The following DOCK5 variants were observed in gnomAD, a reference collection of about 807,000 sequenced individuals.
DOCK5 encodes the protein dedicator of cytokinesis 5, also known as dedicator of cytokinesis protein 5.
DOCK5 carries 142 observed loss-of-function variants against 251.8 expected under a neutral mutation model. That is an observed-to-expected ratio of 0.56 (90% CI 0.49 to 0.65). The LOEUF is 0.65. DOCK5 is among the 30% of genes least tolerant of loss of function. DOCK5 has a pLI of 0.00. For synonymous variants in DOCK5, 842 were observed against 835.5 expected (o/e 1.01, Z -0.13); for missense variants, 2,111 against 2,312.3 (o/e 0.91, Z 1.79).
intron 1 of DOCK5, among the ~76,000 whole-genome samples, chr8:25,192,313 A>G (rs1050334764): frequency 1.3e-5 from 2 of 152,102 alleles, no homozygotes; most frequent in Non-Finnish European, 2.9e-5. Context: ...GTCAAATGGT[A>G]TTTCTAGTTC....
Position 25,278,606 on chromosome 8 carries a change from G to C in DOCK5, c.262G>C (p.Val88Leu), listed in dbSNP as rs990302436. The change falls in exon 5 of 52, where the codon GTG becomes CTG. Residue 88 changes from valine to leucine, a missense_variant. By Grantham distance (32) the Val-to-Leu change is conservative. Around this residue, in one of 3 missense-constraint regions of DOCK5, gnomAD observed 335 missense variants for 324.9 expected, o/e 1.03. Transcript: ENST00000276440. ...CGTGATTCCTGGCGAGCTCCCCCTG[G>C]TGCAGGAGCTCACGTCCACTCTGCG... ...ETVIPGELPL[V>L]QELTSTLREW... 1.2e-6 allele frequency: 2 copies of C among 1,613,932 alleles called. No individual in the cohort carries two copies. Among genetic ancestry groups the C allele is most frequent in the Non-Finnish European group, 1.7e-6 (2 of 1,179,874 alleles).
intron 1 of DOCK5, among the ~76,000 whole-genome samples, chr8:25,240,301 C>T (rs551706118): frequency 2.0e-5 from 3 of 151,784 alleles, no homozygotes; most frequent in African/African-American, 4.8e-5. Context: ...AACCAGCTTC[C>T]GTCAAGTGTA....
At chr8:25,299,709 T>A (rs771941619) in intron 8 of DOCK5, among the ~76,000 whole-genome samples, 1 of 152,180 alleles carries the variant, frequency 6.6e-6, no homozygotes, top group Non-Finnish European at 1.5e-5. Flanking sequence ...GAAAATAATG[T>A]CTATTAAAAA....
At chr8:25,264,616 A>G (rs1446015325) in intron 2 of DOCK5, among the ~76,000 whole-genome samples, 2 of 151,830 alleles carry the variant, frequency 1.3e-5, no homozygotes, top group East Asian at 3.9e-4. Flanking sequence ...AATTGAGGTC[A>G]GGAGTTCAAG....
chr8:25,400,993 T>C lies in DOCK5; in HGVS notation c.4853T>C (p.Leu1618Pro). ...AAACTCACAGAGCAGCTGAAGCCGCTGCATGAGCGGTTGTCTTCTTGCTTC... is the reference window on the plus strand; with the variant it reads ...AAACTCACAGAGCAGCTGAAGCCGCCGCATGAGCGGTTGTCTTCTTGCTTC... ...GEKLTEQLKP[L>P]HERLSSCFRE... Residue 1618 changes from leucine (L) to proline (P), a missense_variant, in exon 47 of 52, where the codon CTG becomes CCG. By Grantham distance (98) the Leu-to-Pro change is moderately conservative. Around this residue, in one of 3 missense-constraint regions of DOCK5, gnomAD observed 1,717 missense variants for 1,892.4 expected, o/e 0.91. Coordinates refer to ENST00000276440, the MANE Select transcript of DOCK5 (RefSeq NM_024940.8). The C allele has an allele frequency of 1.9e-6, 3 of 1,614,048 alleles. No individual in the cohort carries two copies. The highest frequency in any genetic ancestry group is 2.5e-6 in the Non-Finnish European group (3 of 1,179,894).
intron 3 of DOCK5, among the ~76,000 whole-genome samples, chr8:25,273,223 A>G (rs893074079): frequency 1.3e-5 from 2 of 152,072 alleles, no homozygotes; most frequent in African/African-American, 4.8e-5. Flanking sequence ...CTCCTTTCTC[A>G]TTGCTATATT....
intron 1 of DOCK5, among the ~76,000 whole-genome samples, chr8:25,202,043 G>A (rs764745633): frequency 5.3e-5 from 8 of 152,078 alleles, no homozygotes; most frequent in Non-Finnish European, 1.2e-4. Flanking sequence ...TTGAGACAGA[G>A]TCTCGCTCTG....
intron 1 of DOCK5, among the ~76,000 whole-genome samples, chr8:25,198,756 C>T (rs1396779562): frequency 1.3e-5 from 2 of 152,130 alleles, no homozygotes; most frequent in Admixed American, 6.6e-5. Context: ...ACCTAAAAGT[C>T]ACACAGCTAG....
intron 45 of DOCK5, among the ~76,000 whole-genome samples, chr8:25,397,785 A>G (rs1375307792): frequency 9.6e-6 from 1 of 103,988 alleles, no homozygotes; most frequent in African/African-American, 2.6e-5. Flanking sequence ...AAGTTTTTCC[A>G]GCGTGACAGT....
intron 1 of DOCK5, among the ~76,000 whole-genome samples, chr8:25,196,946 C>G (rs552148767): frequency 6.6e-6 from 1 of 152,260 alleles, no homozygotes; most frequent in East Asian, 1.9e-4. Flanking sequence ...TGCCTGTAAT[C>G]CCAGCACTTT....
At chr8:25,392,441 A>G (rs1017080572) in intron 43 of DOCK5, among the ~76,000 whole-genome samples, 3 of 152,166 alleles carry the variant, frequency 2.0e-5, no homozygotes, top group Non-Finnish European at 2.9e-5. Flanking sequence ...GCAAGTACTA[A>G]TTACCTAGAC....
intron 40 of DOCK5, among the ~76,000 whole-genome samples, chr8:25,384,784 A>G (rs1238977779): frequency 6.6e-6 from 1 of 151,832 alleles, no homozygotes; most frequent in Non-Finnish European, 1.5e-5. Flanking sequence ...AAAAAGAATC[A>G]GGGCCTGGCA....
intron 30 of DOCK5, among the ~76,000 whole-genome samples, chr8:25,365,705 C>T (rs183698653): frequency 2.0e-5 from 3 of 152,308 alleles, no homozygotes; most frequent in Admixed American, 2.0e-4. Flanking sequence ...TCATCTGCCA[C>T]AGAGTGCAAA....
chr8:25,315,455 C>A (rs1264452175), intron 13 of DOCK5, among the ~76,000 whole-genome samples: 3 of 152,196 alleles, frequency 2.0e-5, no homozygotes, highest in Admixed American at 2.0e-4. Flanking sequence ...TGAGTTGGGG[C>A]AAGGCTGGTG....
chr8:25,218,486 C>T (rs2117492826), intron 1 of DOCK5, among the ~76,000 whole-genome samples: 1 of 152,270 alleles, frequency 6.6e-6, no homozygotes, highest in African/African-American at 2.4e-5. Flanking sequence ...TTGCCATGGT[C>T]CAGGGACAGC....
At chr8:25,184,993 C>T (rs1338281401) in intron 1 of DOCK5, 42 bp downstream of exon 1, 2 of 1,325,738 alleles carry the variant, frequency 1.5e-6, no homozygotes, top group Non-Finnish European at 9.7e-7. Context: ...ACCCACGCGG[C>T]CAAGTTCGCG....
chr8:25,193,498 C>T (rs1254297175), intron 1 of DOCK5, among the ~76,000 whole-genome samples: 1 of 151,826 alleles, frequency 6.6e-6, no homozygotes, highest in East Asian at 1.9e-4. Flanking sequence ...TGGTGGTTCA[C>T]ACTTGTAATC....
chr8:25,316,725 A>G (rs1376764556), intron 13 of DOCK5, among the ~76,000 whole-genome samples: 1 of 152,198 alleles, frequency 6.6e-6, no homozygotes, highest in Non-Finnish European at 1.5e-5. Context: ...TAACCTAACA[A>G]TATATACTAT....
rs1379847554 is a variant in DOCK5, at chr8:25,211,927, G to A, written c.43+26976G>A. On this transcript the variant is annotated intron_variant, in intron 1 of 51. Coordinates refer to ENST00000276440, the MANE Select transcript of DOCK5 (RefSeq NM_024940.8). ...TGTAATCCCAGCACTTTGGGAGGCC[G>A]AGATGGGCAGATCACAAGGTCAGGA... is the stretch of plus-strand genomic sequence containing the variant. Among the ~76,000 whole-genome samples, 3 of 69,974 alleles carry A rather than the reference G, an allele frequency of 4.3e-5. 1 individual carries two copies. Among genetic ancestry groups the A allele is most frequent in the African/African-American group, 9.7e-5 (3 of 30,810 alleles). The allele number at this position is 69,974 out of a possible 152,430, so 45.9% of individuals were successfully genotyped here.
Sources: allele counts gnomAD v4.1 joint callset (sites outside exome capture counted in the v4.1 genomes callset), GRCh38; gene constraint gnomAD v4.1.1; regional missense constraint gnomAD v4.1.1; transcripts MANE v1.5; gene names NCBI Gene and HGNC (gene_info 2026-07-23, HGNC 2026-07-21).